ZDHHC14: variants seen among roughly 807,000 people sequenced by gnomAD.
ZDHHC14 encodes the protein zDHHC palmitoyltransferase 14.
In ZDHHC14, 16 loss-of-function variants were observed where a neutral mutation model predicts 47.7. The ratio of observed to expected loss-of-function variants is 0.34; its 90% CI spans 0.23 to 0.51. The LOEUF (loss-of-function observed/expected upper bound fraction) is 0.51, where lower values mean the gene tolerates loss of function less well. Ranked by LOEUF, ZDHHC14 falls within the 20% of genes least tolerant of loss-of-function variation. ZDHHC14 has a pLI of 0.97. For synonymous variants in ZDHHC14, 293 were observed against 278.9 expected, an observed-to-expected ratio of 1.05 and a Z score of -0.50; for missense variants, 515 against 662.5, an observed-to-expected ratio of 0.78 and a Z score of 2.44.
intron 1 of ZDHHC14, among the ~76,000 whole-genome samples, chr6:157,476,133 AC>A (rs1361167840): frequency 6.6e-6 from 1 of 152,184 alleles, no homozygotes; most frequent in East Asian, 1.9e-4. Flanking sequence ...AGACTAGTAA[AC>A]AATAGAAAAG....
In ZDHHC14 at chr6:157,582,450, A is replaced by G. The variant is rs1288933208; in HGVS notation, c.407-10538A>G. Among the ~76,000 whole-genome samples, 1 of 152,096 alleles carries G rather than the reference A, an allele frequency of 6.6e-6. No homozygotes were observed. Among genetic ancestry groups the G allele is most frequent in the East Asian group, 1.9e-4 (1 of 5,188 alleles). ...GTCTGGTGGCAAGGAATTCCTCAAC[A>G]TTTGCTTTGAAAAAGATCTTACTTA... On this transcript the variant is annotated intron_variant, in intron 2 of 8. Coordinates refer to ENST00000359775, the MANE Select transcript of ZDHHC14 (RefSeq NM_024630.3). This position sits in a 1 kb window ranked among gnomAD's most constrained non-coding sequence, Gnocchi z 4.3.
intron 2 of ZDHHC14, among the ~76,000 whole-genome samples, chr6:157,587,494 T>C (rs1783739906): frequency 1.3e-5 from 2 of 152,220 alleles, no homozygotes. Flanking sequence ...GCCAGGCAGA[T>C]GTGGCACCTG....
At chr6:157,492,769 T>C (rs963348226) in intron 1 of ZDHHC14, among the ~76,000 whole-genome samples, 16 of 151,926 alleles carry the variant, frequency 1.1e-4, no homozygotes. Flanking sequence ...GTGAGGTGCT[T>C]GGGAGTGGCC....
At chr6:157,648,721 TGAA>T (rs1336404062) in intron 7 of ZDHHC14, among the ~76,000 whole-genome samples, 1 of 152,168 alleles carries the variant, frequency 6.6e-6, no homozygotes, top group East Asian at 1.9e-4. Flanking sequence ...CAGCTCCTCT[TGAA>T]GAAACCTCCT....
chr6:157,408,975 A>C (rs894459689), intron 1 of ZDHHC14, among the ~76,000 whole-genome samples: 3 of 152,116 alleles, frequency 2.0e-5, no homozygotes, highest in Non-Finnish European at 4.4e-5. Flanking sequence ...TGGCGATTGC[A>C]TCTGAGTTCC....
chr6:157,634,736 C>T (rs948042722), intron 5 of ZDHHC14, among the ~76,000 whole-genome samples: 6 of 152,254 alleles, frequency 3.9e-5, no homozygotes, highest in Non-Finnish European at 7.3e-5. Context: ...GGCACCTGTG[C>T]CTCCCTGAAA....
At chr6:157,526,618 G>A (rs771171958) in intron 1 of ZDHHC14, among the ~76,000 whole-genome samples, 3 of 152,092 alleles carry the variant, frequency 2.0e-5, no homozygotes, top group Non-Finnish European at 4.4e-5. Flanking sequence ...TTTCACACAC[G>A]AGTGTCTTCA....
chr6:157,493,775 T>C (rs926944438), intron 1 of ZDHHC14, among the ~76,000 whole-genome samples: 1 of 152,242 alleles, frequency 6.6e-6, no homozygotes, highest in African/African-American at 2.4e-5. Context: ...TCCGCCGTCC[T>C]GTCTGGGAAG....
At chr6:157,479,872 A>G (rs200261194) in intron 1 of ZDHHC14, among the ~76,000 whole-genome samples, 5 of 152,348 alleles carry the variant, frequency 3.3e-5, no homozygotes, top group East Asian at 3.9e-4. Context: ...TGTGGTTTCA[A>G]TGTGAATCTG....
rs542392632 is a variant in ZDHHC14 at position 157,662,220 on chromosome 6, C to T, written c.1068+8593C>T. ...TTTTTGAGACAGAGTCTCACTCTGT[C>T]GCCCAGGCTGTAGTGCGGTAGCACG... On this transcript the variant is annotated intron_variant, in intron 8 of 8. Transcript: ENST00000359775. Among the ~76,000 whole-genome samples the T allele has an allele frequency of 8.4e-3, 1,276 of 152,258 alleles. 24 individuals carry two copies. The highest frequency in any genetic ancestry group is 0.029 in the African/African-American group (1,197 of 41,542).
chr6:157,491,075 G>A (rs539771755), intron 1 of ZDHHC14, among the ~76,000 whole-genome samples: 1 of 152,302 alleles, frequency 6.6e-6, no homozygotes, highest in African/African-American at 2.4e-5. Flanking sequence ...GCAAGGTGCC[G>A]TTTCCCGCAC....
chr6:157,394,396 A>G (rs985918572), intron 1 of ZDHHC14, among the ~76,000 whole-genome samples: 6 of 152,240 alleles, frequency 3.9e-5, no homozygotes, highest in African/African-American at 1.4e-4. Flanking sequence ...AGGTGAGGTT[A>G]GAAAACATGG....
intron 3 of ZDHHC14, among the ~76,000 whole-genome samples, chr6:157,599,370 G>A (rs756237797): frequency 2.0e-5 from 3 of 152,204 alleles, no homozygotes; most frequent in Non-Finnish European, 2.9e-5. Flanking sequence ...AGTTCCCTCT[G>A]CTGCAGCTCT....
At chr6:157,466,260 T>A (rs976748532) in intron 1 of ZDHHC14, among the ~76,000 whole-genome samples, 1 of 152,100 alleles carries the variant, frequency 6.6e-6, no homozygotes, top group Non-Finnish European at 1.5e-5. Flanking sequence ...CTGGTTCCCA[T>A]GGCAATGCAG....
At chr6:157,522,854 C>T (rs1182649158) in intron 1 of ZDHHC14, among the ~76,000 whole-genome samples, 1,595 of 36,602 alleles carry the variant, frequency 0.044, 51 homozygotes, top group African/African-American at 0.058. Flanking sequence ...CCTTCCTTTC[C>T]TCCCTTCTTC....
intron 1 of ZDHHC14, among the ~76,000 whole-genome samples, chr6:157,514,740 C>G (rs2114755563): frequency 6.6e-6 from 1 of 152,296 alleles, no homozygotes; most frequent in South Asian, 2.1e-4. Context: ...GAAGGCTGAC[C>G]CAGCCTCTCT....
intron 1 of ZDHHC14, among the ~76,000 whole-genome samples, chr6:157,441,394 C>T (rs1778557982): frequency 2.0e-5 from 3 of 152,176 alleles, no homozygotes; most frequent in Admixed American, 6.5e-5. Context: ...GCTGTAGCCT[C>T]CTCATTGCTC....
At chr6:157,387,551 G>A (rs1008620883) in intron 1 of ZDHHC14, among the ~76,000 whole-genome samples, 6 of 152,138 alleles carry the variant, frequency 3.9e-5, no homozygotes, top group Admixed American at 3.9e-4. Flanking sequence ...CAGACAATAC[G>A]TGACCCTCAG....
chr6:157,624,225 G>A (rs1386881195), intron 3 of ZDHHC14, among the ~76,000 whole-genome samples: 1 of 152,178 alleles, frequency 6.6e-6, no homozygotes, highest in Non-Finnish European at 1.5e-5. Context: ...CCCATTGGAA[G>A]GTATAACTCT....
Sources: allele counts gnomAD v4.1 joint callset (sites outside exome capture counted in the v4.1 genomes callset), GRCh38; gene constraint gnomAD v4.1.1; non-coding constraint Gnocchi (gnomAD v3.1); transcripts MANE v1.5; gene names NCBI Gene and HGNC (gene_info 2026-07-23, HGNC 2026-07-21).